EBPL: variants seen among roughly 807,000 people sequenced by gnomAD.
The protein encoded by EBPL is emopamil-binding protein-like.
Under a neutral mutation model 19.0 loss-of-function variants are expected in EBPL, and 20 were observed. The observed-to-expected ratio is 1.05, with a 90% CI of 0.74 to 1.53. The LOEUF (loss-of-function observed/expected upper bound fraction) is 1.53, where lower values mean the gene tolerates loss of function less well. EBPL is among the 40% of genes most tolerant of loss of function. The pLI, the probability that EBPL is intolerant of heterozygous loss-of-function variation, is 0.00. For synonymous variants in EBPL, 107 were observed against 117.0 expected (o/e 0.91, Z 0.55); for missense variants, 219 against 261.1 (o/e 0.84, Z 1.11).
At chr13:49,689,965 C>G (rs1170723655) in intron 1 of EBPL, among the ~76,000 whole-genome samples, 3 of 152,040 alleles carry the variant, frequency 2.0e-5, no homozygotes, top group Non-Finnish European at 2.9e-5. Context: ...GTCTGGCCAA[C>G]ATAGTGAAAC....
At position 49,669,828 on chromosome 13, in the gene EBPL, A is replaced by G; in HGVS notation, c.190T>C (p.Leu64=). 6.2e-7 allele frequency: 1 copy of G among 1,614,020 alleles called. No homozygotes were observed. The highest frequency in any genetic ancestry group is 8.5e-7 in the Non-Finnish European group (1 of 1,179,868). Residue 64 remains leucine (L), a synonymous_variant, in exon 2 of 4, where the codon TTG becomes CTG. Coordinates refer to ENST00000242827, the MANE Select transcript of EBPL (RefSeq NM_032565.5). ...TTTGCAACGTTTCCTACTAAAGACA[A>G]GTAGACAAAAGGGCCTTCCTAGAGA... is the stretch of plus-strand genomic sequence containing the variant. ...HFALEGPFVY[L]SLVGNVANSD...
rs2137478603 is a variant in EBPL, at chr13:49,660,803, T to C, written c.*165A>G. 1.7e-6 allele frequency: 1 copy of C among 576,278 alleles called. No homozygotes were observed. Among genetic ancestry groups the C allele is most frequent in the South Asian group, 2.6e-5 (1 of 38,608 alleles). The allele number at this position is 576,278 out of a possible 1,614,324, so 35.7% of individuals were successfully genotyped here. A position where few individuals can be genotyped will look rare whatever the true frequency, so the allele number is the denominator to read the frequency against. ...ATATCACCATTTAATTGAACAACAA[T>C]ACAACGAAAACTGGTCGCCTTAAAA... On this transcript the variant is annotated 3_prime_UTR_variant, in exon 4 of 4. Transcript: ENST00000242827.
At chr13:49,686,198 C>T (rs1052113012) in intron 1 of EBPL, among the ~76,000 whole-genome samples, 1 of 152,236 alleles carries the variant, frequency 6.6e-6, no homozygotes, top group African/African-American at 2.4e-5. Flanking sequence ...ACACATCAGA[C>T]AGCGAGAGCT....
intron 2 of EBPL, among the ~76,000 whole-genome samples, chr13:49,666,484 G>A (rs535927628): frequency 5.1e-4 from 78 of 152,060 alleles, no homozygotes; most frequent in Non-Finnish European, 9.1e-4. Context: ...GCCGAGGCGG[G>A]TGGATCAGTT....
At chr13:49,686,510 A>C (rs1035712727) in intron 1 of EBPL, 1 of 1,289,208 alleles carries the variant, frequency 7.8e-7, no homozygotes, top group Non-Finnish European at 1.0e-6. Flanking sequence ...ATGGTGCTAC[A>C]GCAATTTATC....
chr13:49,661,246 T>C (rs1392770924), intron 3 of EBPL, 38 bp from the exon 4 acceptor site: 2 of 1,499,786 alleles, frequency 1.3e-6, no homozygotes. Context: ...AACCACCAGC[T>C]TGGCACAGTT....
intron 1 of EBPL, among the ~76,000 whole-genome samples, chr13:49,679,051 T>G (rs1456934568): frequency 7.0e-6 from 1 of 142,836 alleles, no homozygotes; most frequent in Non-Finnish European, 1.5e-5. Context: ...TAAAATCTGC[T>G]CTAACCACAC....
At chr13:49,665,239 T>C (rs1006935480) in intron 2 of EBPL, among the ~76,000 whole-genome samples, 1 of 150,512 alleles carries the variant, frequency 6.6e-6, no homozygotes, top group Non-Finnish European at 1.5e-5. Flanking sequence ...GCCTCCCAAA[T>C]AGCTGGGACT....
intron 3 of EBPL, 72 bp from the exon 4 acceptor site, chr13:49,661,280 G>C (rs1566310897): frequency 2.5e-6 from 3 of 1,218,726 alleles, no homozygotes; most frequent in South Asian, 1.4e-5. Flanking sequence ...ATGACATCTT[G>C]TCTGTAATGG....
chr13:49,686,805 C>T (rs1954003729), intron 1 of EBPL, among the ~76,000 whole-genome samples: 1 of 152,092 alleles, frequency 6.6e-6, no homozygotes, highest in Admixed American at 6.5e-5. Flanking sequence ...TTCTCTCTCT[C>T]TTCTTTTTGA....
chr13:49,687,020 T>A (rs987811828), intron 1 of EBPL, among the ~76,000 whole-genome samples: 4 of 152,170 alleles, frequency 2.6e-5, no homozygotes, highest in Admixed American at 6.5e-5. Context: ...TTAGCAAGGC[T>A]GGTCTCGCAA....
In EBPL at chr13:49,691,476, G is replaced by A. The variant is rs749456215; in HGVS notation, c.-52C>T. ...CAGGACCATGCGGCAGAGGAAAGCA[G>A]GGAGAGAAACGACGGGGCGGGGCTG... On this transcript the variant is annotated 5_prime_UTR_variant, in exon 1 of 4. Transcript: ENST00000242827. 3.5e-4 allele frequency: 445 copies of A among 1,278,730 alleles called. 2 individuals carry two copies. Among genetic ancestry groups the A allele is most frequent in the Non-Finnish European group, 3.7e-4 (378 of 1,011,348 alleles). The allele number at this position is 1,278,730 out of a possible 1,614,324, so 79.2% of individuals were successfully genotyped here.
intron 1 of EBPL, among the ~76,000 whole-genome samples, chr13:49,684,156 C>G (rs535250612): frequency 6.6e-6 from 1 of 152,120 alleles, no homozygotes; most frequent in Non-Finnish European, 1.5e-5. Context: ...TTACTAGAAG[C>G]GTGATGGAAA....
At chr13:49,686,605 A>G in intron 1 of EBPL, 2 of 1,288,848 alleles carry the variant, frequency 1.6e-6, no homozygotes, top group East Asian at 1.1e-4. Flanking sequence ...CCTAGGATAG[A>G]TATTTTAAAA....
chr13:49,667,475 C>T (rs1487525782), intron 2 of EBPL, among the ~76,000 whole-genome samples: 1 of 152,138 alleles, frequency 6.6e-6, no homozygotes, highest in Non-Finnish European at 1.5e-5. Flanking sequence ...AAGGTCAGAA[C>T]ACAGGTCATC....
chr13:49,663,942 AAAAC>A (rs1050017306), intron 2 of EBPL, among the ~76,000 whole-genome samples: 5 of 147,848 alleles, frequency 3.4e-5, no homozygotes, highest in East Asian at 2.0e-4. Flanking sequence ...AAAAAACAAA[AAAAC>A]AAACAACCAA....
chr13:49,670,630 C>A lies in EBPL; in HGVS notation c.172-784G>T, dbSNP rs115336807. Among the ~76,000 whole-genome samples, 862 of 152,318 alleles carry A rather than the reference C, an allele frequency of 5.7e-3. 9 individuals carry two copies. The highest frequency in any genetic ancestry group is 0.019 in the African/African-American group (798 of 41,564). On this transcript the variant is annotated intron_variant, in intron 1 of 3. Coordinates refer to ENST00000242827, the MANE Select transcript of EBPL (RefSeq NM_032565.5). ...CTCTTTGCAGTTCCCGCGGTGATTTCATAATATACTTACACTGCTATTTCC... is the reference window on the plus strand; with the variant it reads ...CTCTTTGCAGTTCCCGCGGTGATTTAATAATATACTTACACTGCTATTTCC...
chr13:49,691,172 G>C (rs1241780598), intron 1 of EBPL, 82 bp downstream of exon 1: 1 of 1,187,270 alleles, frequency 8.4e-7, no homozygotes, highest in Admixed American at 3.8e-5. Flanking sequence ...GCAAAAAGCC[G>C]CAGGACCCCC....
chr13:49,663,166 A>T lies in EBPL; in HGVS notation c.271T>A (p.Trp91Arg). Residue 91 changes from tryptophan to arginine, a missense_variant, in exon 3 of 4, where the codon TGG (tryptophan) becomes AGG (arginine). Coordinates refer to ENST00000242827, the MANE Select transcript of EBPL (RefSeq NM_032565.5). ...WKEYGKADAR[W>R]VYFDPTIVSV... ...ACAATGGTTGGATCAAAATAAACCC[A>T]TCTTGCATCAGCTTTGCCATATTCT... is the stretch of plus-strand genomic sequence containing the variant. 1 of 1,614,188 alleles carries T rather than the reference A, an allele frequency of 6.2e-7. No homozygotes were observed. The highest frequency in any genetic ancestry group is 1.1e-5 in the South Asian group (1 of 91,092).
Sources: allele counts gnomAD v4.1 joint callset (sites outside exome capture counted in the v4.1 genomes callset), GRCh38; gene constraint gnomAD v4.1.1; transcripts MANE v1.5; gene names NCBI Gene and HGNC (gene_info 2026-07-23, HGNC 2026-07-21).